ACTL6A: variants seen among roughly 807,000 people sequenced by gnomAD.
ACTL6A encodes actin like 6A.
In ACTL6A, 5 loss-of-function variants were observed where a neutral mutation model predicts 59.2. The observed-to-expected ratio is 0.08, with a 90% CI of 0.04 to 0.18. The LOEUF (loss-of-function observed/expected upper bound fraction) is 0.18. Among genes scored for constraint, ACTL6A ranks in the 10% least tolerant of loss-of-function variants. ACTL6A has a pLI of 1.00. For missense variants in ACTL6A, 285 were observed against 526.9 expected (o/e 0.54, Z 4.49); for synonymous variants, 154 against 171.8 (o/e 0.90, Z 0.81).
At chr3:179,585,633 C>G (rs992869617) in intron 12 of ACTL6A, among the ~76,000 whole-genome samples, 1 of 152,150 alleles carries the variant, frequency 6.6e-6, no homozygotes, top group African/African-American at 2.4e-5. Flanking sequence ...ATCCCATACT[C>G]TACCCACCCT....
At position 179,576,721 on chromosome 3, in the gene ACTL6A, T is replaced by A. The variant is rs34630517; in HGVS notation, c.673T>A (p.Ser225Thr). Reference sequence around the variant, plus strand: ...ATTGGTTCCTCCATATATGATTGCATCAAAAGTAAGTAATTATTGAATTTT... The same window carrying A: ...ATTGGTTCCTCCATATATGATTGCAACAAAAGTAAGTAATTATTGAATTTT... The part of the protein sequence containing the change: ...IELVPPYMIA[S>T]KEAVREGSPA... Residue 225 changes from serine (S) to threonine (T), a missense_variant, in exon 7 of 14, where the codon TCA (serine) becomes ACA (threonine). Ser to Thr is a moderately conservative substitution (Grantham distance 58). Coordinates refer to ENST00000429709, the MANE Select transcript of ACTL6A (RefSeq NM_004301.5). The A allele has an allele frequency of 0.013, 21,454 of 1,612,324 alleles. 177 individuals carry two copies. Among genetic ancestry groups the A allele is most frequent in the Middle Eastern group, 0.018 (111 of 6,056 alleles).
At chr3:179,574,252 T>C (rs1182610144) in intron 4 of ACTL6A, 118 bp from the exon 5 acceptor site, 11 of 505,074 alleles carry the variant, frequency 2.2e-5, no homozygotes, top group Non-Finnish European at 3.5e-5. Flanking sequence ...TTTCCCATGG[T>C]ATTTTATTCT....
rs760393051 is a variant in ACTL6A, at chr3:179,570,043, A to G, written c.103-24A>G. On this transcript the variant is annotated intron_variant, in intron 2 of 13. Coordinates refer to ENST00000429709, the MANE Select transcript of ACTL6A (RefSeq NM_004301.5). The surrounding 1 kb of genome is among the most constrained non-coding windows in gnomAD (Gnocchi z 4.3). ...CTTCTTGATGAAAGGTGAAACTTGTATGTCATGTTTCTGACTCTTACAGGT... is the reference window on the plus strand; with the variant it reads ...CTTCTTGATGAAAGGTGAAACTTGTGTGTCATGTTTCTGACTCTTACAGGT... 1 of 1,605,762 alleles carries G rather than the reference A, an allele frequency of 6.2e-7. No homozygotes were observed. Among genetic ancestry groups the G allele is most frequent in the Non-Finnish European group, 8.5e-7 (1 of 1,175,784 alleles).
chr3:179,566,982 C>T lies in ACTL6A; in HGVS notation c.26-2842C>T, dbSNP rs28827004. 7.8e-4 allele frequency among the ~76,000 whole-genome samples: 118 copies of T among 152,248 alleles called. 1 individual carries two copies. The highest frequency in any genetic ancestry group is 2.6e-3 in the African/African-American group (107 of 41,554). ...GGGCTTACAGGTGTGAGCCACCGCGCGCCCTGCCTGAATTTTCTCTTAAAA... is the reference window on the plus strand; with the variant it reads ...GGGCTTACAGGTGTGAGCCACCGCGTGCCCTGCCTGAATTTTCTCTTAAAA... On this transcript the variant is annotated intron_variant, in intron 1 of 13. Coordinates refer to ENST00000429709, the MANE Select transcript of ACTL6A (RefSeq NM_004301.5).
rs550426172 is a variant in ACTL6A at position 179,567,773 on chromosome 3, T to C, written c.26-2051T>C. Among the ~76,000 whole-genome samples, 28 of 152,256 alleles carry C rather than the reference T, an allele frequency of 1.8e-4. No homozygotes were observed. The South Asian group carries it at 5.8e-3, about 32-fold the overall frequency. On this transcript the variant is annotated intron_variant, in intron 1 of 13. Transcript: ENST00000429709. ...ACCCCCTAGTTTCTGACAAAATAAT[T>C]TGGACCAGAGAATTTCACAGGGAAG...
intron 1 of ACTL6A, among the ~76,000 whole-genome samples, chr3:179,564,302 G>A (rs1717765916): frequency 6.6e-6 from 1 of 152,124 alleles, no homozygotes; most frequent in South Asian, 2.1e-4. Context: ...CATTTTACAG[G>A]TAGGAAACAA....
chr3:179,566,268 T>C (rs1477174965), intron 1 of ACTL6A, among the ~76,000 whole-genome samples: 1 of 152,146 alleles, frequency 6.6e-6, no homozygotes, highest in Non-Finnish European at 1.5e-5. Flanking sequence ...ATTGGAATTA[T>C]CAGTATTTAG....
At position 179,580,875 on chromosome 3, in the gene ACTL6A, C is replaced by T. The variant is rs779800679; in HGVS notation, c.831-19C>T. The T allele has an allele frequency of 2.0e-5, 31 of 1,563,380 alleles. No homozygotes were observed. Among genetic ancestry groups the T allele is most frequent in the Admixed American group, 6.2e-5 (3 of 48,194 alleles). On this transcript the variant is annotated intron_variant, in intron 9 of 13. Transcript: ENST00000429709. ...ATTATTTTTTGTCTTTTGTGTAATA[C>T]GGTTTAATATGTTTTCAGAGTGGCT...
chr3:179,580,543 C>T, intron 8 of ACTL6A, 97 bp from the exon 9 acceptor site: 1 of 845,334 alleles, frequency 1.2e-6, no homozygotes, highest in Non-Finnish European at 1.8e-6. Context: ...AAACATGGTC[C>T]AATTTCATTC....
chr3:179,576,450 T>C (rs1333433770), intron 6 of ACTL6A, 139 bp downstream of exon 6: 15 of 788,990 alleles, frequency 1.9e-5, no homozygotes, highest in South Asian at 1.4e-4. Context: ...TAAAAATCTT[T>C]AGTATATAAT....
chr3:179,578,770 T>C (rs1180206056), intron 8 of ACTL6A, among the ~76,000 whole-genome samples: 2 of 152,218 alleles, frequency 1.3e-5, no homozygotes, highest in Non-Finnish European at 2.9e-5. Flanking sequence ...ATCTGTTATT[T>C]ATTTAATTTT....
At chr3:179,579,362 A>G (rs1358133383) in intron 8 of ACTL6A, among the ~76,000 whole-genome samples, 1 of 152,144 alleles carries the variant, frequency 6.6e-6, no homozygotes, top group Non-Finnish European at 1.5e-5. Flanking sequence ...TATCCAGCAA[A>G]AGAAACTAAG....
chr3:179,570,982 A>G lies in ACTL6A; in HGVS notation c.277+741A>G, dbSNP rs960581166. Among the ~76,000 whole-genome samples the G allele has an allele frequency of 2.0e-5, 3 of 152,198 alleles. No homozygotes were observed. The highest frequency in any genetic ancestry group is 4.4e-5 in the Non-Finnish European group (3 of 68,026). ...GACTTTCAGGGTAACCAGGAGACAA[A>G]TGGTACTAAATGATCGAGGGAGTGA... On this transcript the variant is annotated intron_variant, in intron 3 of 13. Coordinates refer to ENST00000429709, the MANE Select transcript of ACTL6A (RefSeq NM_004301.5). The surrounding 1 kb of genome is among the most constrained non-coding windows in gnomAD (Gnocchi z 4.3).
Position 179,577,045 on chromosome 3 carries a change from T to TA in ACTL6A, c.768+133dup, listed in dbSNP as rs1478180930. 51 of 585,450 alleles carry TA rather than the reference T, an allele frequency of 8.7e-5. 1 individual carries two copies. In the East Asian group the frequency reaches 1.5e-3, roughly 17 times the overall value. 36.3% of individuals were successfully genotyped at this position (585,450 alleles called of 1,614,324 possible). A position where few individuals can be genotyped will look rare whatever the true frequency, so the allele number is the denominator to read the frequency against. On this transcript the variant is annotated intron_variant, in intron 8 of 13. Transcript: ENST00000429709. Reference sequence around the variant, plus strand: ...ATATTTTCAAGCTCTTTATTTTTTTTATTACTAAATACATTTTGAAGATTA... The same window carrying TA: ...ATATTTTCAAGCTCTTTATTTTTTTTAATTACTAAATACATTTTGAAGATTA...
chr3:179,574,510 G>A (rs556780675), intron 5 of ACTL6A, 43 bp downstream of exon 5: 11 of 1,283,802 alleles, frequency 8.6e-6, no homozygotes, highest in African/African-American at 4.4e-5. Flanking sequence ...AAGTATGTAC[G>A]ATACTAATGA....
intron 7 of ACTL6A, 29 bp from the exon 8 acceptor site, chr3:179,576,795 A>G (rs752198033): frequency 2.2e-5 from 36 of 1,611,886 alleles, no homozygotes; most frequent in South Asian, 1.1e-5. Context: ...AGTGAACTCC[A>G]TTAACCTAGC....
rs1426640416 is a variant in ACTL6A at position 179,588,162 on chromosome 3, C to T, written c.*152C>T. Reference sequence around the variant, plus strand: ...AAATTTTTTAAAGCTTTAACTGGCTCTATAAATTAAGTTTGTGCTTTCCTT... The same window carrying T: ...AAATTTTTTAAAGCTTTAACTGGCTTTATAAATTAAGTTTGTGCTTTCCTT... On this transcript the variant is annotated 3_prime_UTR_variant, in exon 14 of 14. Transcript: ENST00000429709. 2.9e-5 allele frequency: 15 copies of T among 520,700 alleles called. No individual in the cohort carries two copies. The highest frequency in any genetic ancestry group is 3.9e-5 in the Non-Finnish European group (12 of 306,898). The allele number at this position is 520,700 out of a possible 1,614,324, so 32.3% of individuals were successfully genotyped here. A position where few individuals can be genotyped will look rare whatever the true frequency, so the allele number is the denominator to read the frequency against.
intron 1 of ACTL6A, among the ~76,000 whole-genome samples, chr3:179,567,912 A>G (rs1368799286): frequency 2.6e-5 from 4 of 152,138 alleles, no homozygotes; most frequent in Admixed American, 2.6e-4. Flanking sequence ...GGTGGCTAAC[A>G]CCTATAATCC....
In ACTL6A at chr3:179,576,224, A is replaced by G; in HGVS notation, c.484A>G (p.Asn162Asp). 7 of 1,613,318 alleles carry G rather than the reference A, an allele frequency of 4.3e-6. No individual in the cohort carries two copies. Among genetic ancestry groups the G allele is most frequent in the Non-Finnish European group, 5.9e-6 (7 of 1,179,384 alleles). The change falls in exon 6 of 14, where the codon AAT becomes GAT. Residue 162 changes from asparagine (N) to aspartate (D), a missense_variant. By Grantham distance (23) the Asn-to-Asp change is conservative. Coordinates refer to ENST00000429709, the MANE Select transcript of ACTL6A (RefSeq NM_004301.5). ...CKTAVLTAFA[N>D]GRSTGLILDS... ...CTTAATGTTTTAAACTAGATTTGCTAATGGTCGTTCTACTGGGCTGATTTT... is the reference window on the plus strand; with the variant it reads ...CTTAATGTTTTAAACTAGATTTGCTGATGGTCGTTCTACTGGGCTGATTTT...
Sources: gnomAD v4.1 joint callset for allele counts (sites outside exome capture counted in the v4.1 genomes callset) on GRCh38, gnomAD v4.1.1 for gene constraint, Gnocchi (gnomAD v3.1) non-coding constraint, MANE v1.5 for transcripts, NCBI Gene and HGNC (gene_info 2026-07-23, HGNC 2026-07-21) for gene names.